Variants in PRKN observed in about 807,000 individuals in gnomAD.
The protein encoded by PRKN is parkin RBR E3 ubiquitin protein ligase.
A neutral mutation model predicts 59.5 loss-of-function variants in PRKN; 56 were observed. The ratio of observed to expected loss-of-function variants is 0.94; its 90% CI spans 0.76 to 1.18. The LOEUF (loss-of-function observed/expected upper bound fraction) is 1.18. PRKN is among the 50% of genes most tolerant of loss of function. The pLI is 0.00. For synonymous variants in PRKN, 250 were observed against 222.1 expected, an observed-to-expected ratio of 1.13 and a Z score of -1.12; for missense variants, 657 against 596.4, an observed-to-expected ratio of 1.10 and a Z score of -1.06.
intron 5 of PRKN, among the ~76,000 whole-genome samples, chr6:162,017,700 A>T (rs1782980320): frequency 6.6e-6 from 1 of 152,198 alleles, no homozygotes; most frequent in Admixed American, 6.5e-5. Flanking sequence ...TCTCCATTAC[A>T]GTAAAAGATC....
Position 161,397,464 on chromosome 6 carries a change from C to T in PRKN, c.1084-10587G>A, listed in dbSNP as rs1247710298. 1.3e-5 allele frequency among the ~76,000 whole-genome samples: 2 copies of T among 152,146 alleles called. No homozygotes were observed. The highest frequency in any genetic ancestry group is 2.9e-5 in the Non-Finnish European group (2 of 68,042). ...TGTTTTTCTGCCCTTCACATTTGCC[C>T]CTTCAGGGAGCATTCTAACATCAAG... On this transcript the variant is annotated intron_variant, in intron 9 of 11. Coordinates refer to ENST00000366898, the MANE Select transcript of PRKN (RefSeq NM_004562.3). The surrounding 1 kb of genome is among the most constrained non-coding windows in gnomAD (Gnocchi z 4.2).
At position 161,529,114 on chromosome 6, in the gene PRKN, A is replaced by G. The variant is rs1562506509; in HGVS notation, c.1083+19740T>C. 1.3e-5 allele frequency among the ~76,000 whole-genome samples: 2 copies of G among 152,224 alleles called. No individual in the cohort carries two copies. Among genetic ancestry groups the G allele is most frequent in the African/African-American group, 2.4e-5 (1 of 41,456 alleles). ...TATGAGATATACGAGCCACAACCAC[A>G]GACTCTACGCTGCGTTCCTCTCCCT... On this transcript the variant is annotated intron_variant, in intron 9 of 11. Coordinates refer to ENST00000366898, the MANE Select transcript of PRKN (RefSeq NM_004562.3). This position sits in a 1 kb window ranked among gnomAD's most constrained non-coding sequence, Gnocchi z 4.4.
At chr6:162,250,193 GGGC>G (rs1562613953) in intron 3 of PRKN, among the ~76,000 whole-genome samples, 3 of 146,930 alleles carry the variant, frequency 2.0e-5, no homozygotes, top group African/African-American at 7.7e-5. Context: ...ATAAGGGGGG[GGGC>G]AGGGAATGGA....
chr6:162,450,329 GCCCCTGTGATTGTAATC>G (rs1166580314), intron 1 of PRKN, among the ~76,000 whole-genome samples: 26 of 94,384 alleles, frequency 2.8e-4, no homozygotes, highest in East Asian at 1.0e-3. Context: ...GAATGTAAAC[GCCCCTGTGATTGTAATC>G]CCCCTGTGAA....
At chr6:162,301,320 C>T (rs1383154959) in intron 2 of PRKN, among the ~76,000 whole-genome samples, 1 of 151,410 alleles carries the variant, frequency 6.6e-6, no homozygotes, top group African/African-American at 2.5e-5. Context: ...GTCAAAGACG[C>T]AGACTCAGCA....
intron 1 of PRKN, among the ~76,000 whole-genome samples, chr6:162,707,193 T>G (rs769943551): frequency 1.3e-5 from 2 of 152,204 alleles, no homozygotes; most frequent in African/African-American, 4.8e-5. Context: ...TATATGAATA[T>G]ACTGTGGAAA....
chr6:161,733,983 C>T (rs1001505786), intron 7 of PRKN, among the ~76,000 whole-genome samples: 4 of 142,894 alleles, frequency 2.8e-5, no homozygotes, highest in African/African-American at 1.2e-4. Flanking sequence ...CACACACACA[C>T]ACACACACAC....
At chr6:162,016,486 C>T (rs1222891937) in intron 5 of PRKN, among the ~76,000 whole-genome samples, 1 of 152,088 alleles carries the variant, frequency 6.6e-6, no homozygotes, top group East Asian at 1.9e-4. Flanking sequence ...CTGACTGTCC[C>T]TTGCCAACTT....
intron 7 of PRKN, among the ~76,000 whole-genome samples, chr6:161,577,264 G>C (rs1247549452): frequency 6.6e-6 from 1 of 152,154 alleles, no homozygotes; most frequent in Non-Finnish European, 1.5e-5. Flanking sequence ...AATCGAGGCA[G>C]AAAAAGAACT....
chr6:161,867,823 C>G (rs1794184880), intron 6 of PRKN, among the ~76,000 whole-genome samples: 1 of 151,618 alleles, frequency 6.6e-6, no homozygotes, highest in Non-Finnish European at 1.5e-5. Context: ...TGCAGCGGCA[C>G]AATCTTGGCT....
intron 9 of PRKN, among the ~76,000 whole-genome samples, chr6:161,512,526 C>T (rs1454407381): frequency 2.0e-5 from 3 of 152,212 alleles, no homozygotes; most frequent in Non-Finnish European, 2.9e-5. Flanking sequence ...TCATTTCTCA[C>T]GGTCAACAGA....
chr6:161,423,072 G>A lies in PRKN; in HGVS notation c.1084-36195C>T, dbSNP rs561179692. 7.9e-5 allele frequency among the ~76,000 whole-genome samples: 12 copies of A among 152,136 alleles called. No individual in the cohort carries two copies. The highest frequency in any genetic ancestry group is 1.8e-4 in the Non-Finnish European group (12 of 68,032). On this transcript the variant is annotated intron_variant, in intron 9 of 11. Transcript: ENST00000366898. The surrounding 1 kb of genome is among the most constrained non-coding windows in gnomAD (Gnocchi z 5.9). ...GTCAGTATCGTAGTGAGAAATGCAC[G>A]CACTATGAGAAGGCCTTGAAACATC...
At chr6:162,554,645 A>T (rs1779482211) in intron 1 of PRKN, among the ~76,000 whole-genome samples, 2 of 152,156 alleles carry the variant, frequency 1.3e-5, no homozygotes, top group Non-Finnish European at 2.9e-5. Context: ...TGGGGGGAGC[A>T]CAGCGCAGCG....
rs928018901 is a variant in PRKN, at chr6:161,560,115, C to T, written c.933+9240G>A. ...ACTGTCAGTCCCATATGGGTCCATA[C>T]GTTTCCTAATATCAGCCAATTTCCA... On this transcript the variant is annotated intron_variant, in intron 8 of 11. Transcript: ENST00000366898. This position sits in a 1 kb window ranked among gnomAD's most constrained non-coding sequence, Gnocchi z 4.9. Among the ~76,000 whole-genome samples, 11 of 152,162 alleles carry T rather than the reference C, an allele frequency of 7.2e-5. No homozygotes were observed. Among genetic ancestry groups the T allele is most frequent in the Admixed American group, 4.6e-4 (7 of 15,280 alleles).
chr6:161,862,754 AG>A (rs1207849196), intron 6 of PRKN, among the ~76,000 whole-genome samples: 1 of 150,266 alleles, frequency 6.7e-6, no homozygotes, highest in Non-Finnish European at 1.5e-5. Flanking sequence ...AGAGGCGAGA[AG>A]GAGTCCAAGC....
Position 161,752,353 on chromosome 6 carries a change from C to T in PRKN, c.871+33419G>A, listed in dbSNP as rs576053110. Among the ~76,000 whole-genome samples, 480 of 151,048 alleles carry T rather than the reference C, an allele frequency of 3.2e-3. 4 individuals are homozygous for T. The highest frequency in any genetic ancestry group is 0.011 in the African/African-American group (459 of 41,340). On this transcript the variant is annotated intron_variant, in intron 7 of 11. Coordinates refer to ENST00000366898, the MANE Select transcript of PRKN (RefSeq NM_004562.3). Reference sequence around the variant, plus strand: ...ACTGCACTCTAGCCTGGTGACAGAGCGAGACTCTGTCTCAAACAAACAAAA... The same window carrying T: ...ACTGCACTCTAGCCTGGTGACAGAGTGAGACTCTGTCTCAAACAAACAAAA...
chr6:161,770,954 G>A (rs1294488614), intron 7 of PRKN, among the ~76,000 whole-genome samples: 1 of 152,106 alleles, frequency 6.6e-6, no homozygotes, highest in Non-Finnish European at 1.5e-5. Context: ...CAACCCTGCT[G>A]ACACCTTCAT....
At chr6:162,598,882 ATAAT>A (rs1251572082) in intron 1 of PRKN, among the ~76,000 whole-genome samples, 1 of 151,502 alleles carries the variant, frequency 6.6e-6, no homozygotes, top group Non-Finnish European at 1.5e-5. Flanking sequence ...CAATTGCAGA[ATAAT>A]TAAATGATTA....
intron 2 of PRKN, among the ~76,000 whole-genome samples, chr6:162,290,099 C>G (rs1409855416): frequency 1.3e-5 from 2 of 152,122 alleles, no homozygotes; most frequent in African/African-American, 2.4e-5. Context: ...GAGAATTGAG[C>G]ACCAGAGGAA....
Sources: allele counts gnomAD v4.1 joint callset (sites outside exome capture counted in the v4.1 genomes callset), GRCh38; gene constraint gnomAD v4.1.1; non-coding constraint Gnocchi (gnomAD v3.1); transcripts MANE v1.5; gene names NCBI Gene and HGNC (gene_info 2026-07-23, HGNC 2026-07-21).